The following TDRD5 variants were observed in gnomAD, a reference collection of about 807,000 sequenced individuals.
The protein encoded by TDRD5 is tudor domain containing 5.
Under a neutral mutation model 120.6 loss-of-function variants are expected in TDRD5, and 41 were observed. The observed-to-expected ratio is 0.34, with a 90% CI of 0.26 to 0.44. The LOEUF (loss-of-function observed/expected upper bound fraction) is 0.44. TDRD5 is among the 20% of genes least tolerant of loss of function. TDRD5 has a pLI of 1.00. For synonymous variants in TDRD5, 430 were observed against 433.7 expected (o/e 0.99, Z 0.11); for missense variants, 1,006 against 1,221.2 (o/e 0.82, Z 2.63).
intron 17 of TDRD5, among the ~76,000 whole-genome samples, chr1:179,688,132 C>T (rs1169330687): frequency 6.6e-6 from 1 of 152,166 alleles, no homozygotes; most frequent in Non-Finnish European, 1.5e-5. Flanking sequence ...GCAGTTTCTT[C>T]CTAGCATTGA....
chr1:179,615,275 T>G (rs1676504577), intron 4 of TDRD5, among the ~76,000 whole-genome samples: 1 of 152,106 alleles, frequency 6.6e-6, no homozygotes, highest in Non-Finnish European at 1.5e-5. Context: ...TAGTATGATC[T>G]CAATACCTAT....
intron 17 of TDRD5, 73 bp from the exon 18 acceptor site, chr1:179,690,623 C>G: frequency 7.7e-6 from 12 of 1,548,476 alleles, no homozygotes; most frequent in Non-Finnish European, 8.7e-6. Flanking sequence ...TAGTATAGAA[C>G]TAGAATGGGG....
chr1:179,671,637 G>T (rs1648252273), intron 17 of TDRD5, among the ~76,000 whole-genome samples: 1 of 151,986 alleles, frequency 6.6e-6, no homozygotes, highest in Admixed American at 6.6e-5. Context: ...GTGGTGTTTG[G>T]TTACTTGAAA....
chr1:179,671,905 T>C (rs1029611195), intron 17 of TDRD5, among the ~76,000 whole-genome samples: 1 of 152,132 alleles, frequency 6.6e-6, no homozygotes, highest in Non-Finnish European at 1.5e-5. Flanking sequence ...GGTTGCTGCA[T>C]ATGCCATTAT....
chr1:179,623,332 T>C (rs905420082), intron 6 of TDRD5, among the ~76,000 whole-genome samples: 10 of 152,150 alleles, frequency 6.6e-5, no homozygotes, highest in African/African-American at 2.4e-4. Context: ...GACTGCCTTT[T>C]TTGATCAGTT....
intron 17 of TDRD5, among the ~76,000 whole-genome samples, chr1:179,678,888 C>T (rs1015766800): frequency 4.6e-5 from 7 of 152,168 alleles, no homozygotes; most frequent in Non-Finnish European, 1.0e-4. Flanking sequence ...CTGGTTAGGA[C>T]TTCCATTATA....
chr1:179,623,176 T>C (rs1236571464), intron 6 of TDRD5, among the ~76,000 whole-genome samples: 4 of 152,188 alleles, frequency 2.6e-5, no homozygotes, highest in African/African-American at 9.6e-5. Flanking sequence ...ATAGACATTT[T>C]CAGGTAATCA....
intron 17 of TDRD5, among the ~76,000 whole-genome samples, chr1:179,686,719 AG>A (rs1164882412): frequency 2.0e-5 from 3 of 152,170 alleles, no homozygotes; most frequent in African/African-American, 7.2e-5. Context: ...TCAGTTTCAG[AG>A]CCTGTTATTG....
chr1:179,640,167 C>T, intron 10 of TDRD5, 116 bp downstream of exon 10: 1 of 1,213,252 alleles, frequency 8.2e-7, no homozygotes, highest in Non-Finnish European at 1.2e-6. Flanking sequence ...TCCTTCCTTC[C>T]TTCTTCTTAG....
intron 4 of TDRD5, among the ~76,000 whole-genome samples, chr1:179,610,775 C>T (rs1004606340): frequency 4.6e-5 from 7 of 152,086 alleles, no homozygotes; most frequent in African/African-American, 9.6e-5. Flanking sequence ...TTTTTTAAGA[C>T]GGGTCTCCCC....
chr1:179,625,376 G>A (rs1429446277), intron 6 of TDRD5, among the ~76,000 whole-genome samples: 2 of 152,070 alleles, frequency 1.3e-5, no homozygotes, highest in Admixed American at 6.6e-5. Context: ...AAATTGAATA[G>A]GCAGACCACA....
rs139425074 is a variant in TDRD5 at position 179,608,105 on chromosome 1, A to G, written c.832-10494A>G. Among the ~76,000 whole-genome samples the G allele has an allele frequency of 9.9e-4, 150 of 152,012 alleles. 5 individuals carry two copies. The East Asian group carries it at 0.025, about 25-fold the overall frequency. On this transcript the variant is annotated intron_variant, in intron 4 of 17. Coordinates refer to ENST00000444136, the MANE Select transcript of TDRD5 (RefSeq NM_001199085.3). Reference sequence around the variant, plus strand: ...TTTGCCCCCTTTTAGTGCTTCAGAGATGTTATTCCATTTTTTTGTCTTCGT... The same window carrying G: ...TTTGCCCCCTTTTAGTGCTTCAGAGGTGTTATTCCATTTTTTTGTCTTCGT...
chr1:179,689,188 C>T (rs1680956225), intron 17 of TDRD5, among the ~76,000 whole-genome samples: 2 of 152,194 alleles, frequency 1.3e-5, no homozygotes, highest in South Asian at 2.1e-4. Flanking sequence ...GTAGTTTTAT[C>T]TACCTTTGGT....
At chr1:179,664,176 A>G (rs1201081770) in intron 16 of TDRD5, among the ~76,000 whole-genome samples, 2 of 152,148 alleles carry the variant, frequency 1.3e-5, no homozygotes, top group Non-Finnish European at 2.9e-5. Flanking sequence ...TTGTATGAGA[A>G]TGATAAAGTC....
At chr1:179,640,304 T>G (rs1235928201) in intron 10 of TDRD5, 75 bp from the exon 11 acceptor site, 23 of 1,523,192 alleles carry the variant, frequency 1.5e-5, no homozygotes, top group Non-Finnish European at 2.0e-5. Context: ...AGAAAGTGAT[T>G]TTTTGGGTCA....
rs748339542 is a variant in TDRD5, at chr1:179,639,875, T to C, written c.1557T>C (p.Tyr519=). 32 of 1,614,038 alleles carry C rather than the reference T, an allele frequency of 2.0e-5. No individual in the cohort carries two copies. The highest frequency in any genetic ancestry group is 2.7e-5 in the Non-Finnish European group (32 of 1,180,018). Reference sequence around the variant, plus strand: ...CTAATCAGCTGGTTTCTGATCGATATGTCATGCCAGAATGTTTTATTCAGC... The same window carrying C: ...CTAATCAGCTGGTTTCTGATCGATACGTCATGCCAGAATGTTTTATTCAGC... ...CYSNQLVSDR[Y]VMPECFIQPG... The change falls in exon 10 of 18, where the codon TAT becomes TAC. Residue 519 remains tyrosine (Y), a synonymous_variant. Transcript: ENST00000444136.
At chr1:179,636,821 G>A (rs1190490351) in intron 9 of TDRD5, among the ~76,000 whole-genome samples, 1 of 152,156 alleles carries the variant, frequency 6.6e-6, no homozygotes, top group Non-Finnish European at 1.5e-5. Context: ...TTGACAACAT[G>A]TACTGTGAGT....
intron 16 of TDRD5, among the ~76,000 whole-genome samples, chr1:179,663,928 G>A (rs1679440855): frequency 6.6e-6 from 1 of 152,058 alleles, no homozygotes; most frequent in African/African-American, 2.4e-5. Flanking sequence ...ACATTGCTTT[G>A]GCAGAAAGCA....
intron 5 of TDRD5, 103 bp downstream of exon 5, chr1:179,618,785 T>C (rs1676695156): frequency 2.6e-6 from 2 of 755,384 alleles, no homozygotes; most frequent in Non-Finnish European, 3.9e-6. Flanking sequence ...ATCTAATCTT[T>C]AATATACTGC....
Sources: allele counts gnomAD v4.1 joint callset (sites outside exome capture counted in the v4.1 genomes callset), GRCh38; gene constraint gnomAD v4.1.1; transcripts MANE v1.5; gene names NCBI Gene and HGNC (gene_info 2026-07-23, HGNC 2026-07-21).